Variants in VAC14 observed in about 807,000 individuals in gnomAD.
VAC14 encodes the protein protein VAC14 homolog.
VAC14 carries 47 observed loss-of-function variants against 85.3 expected under a neutral mutation model. The ratio of observed to expected loss-of-function variants is 0.55; its 90% CI spans 0.44 to 0.70. The LOEUF (loss-of-function observed/expected upper bound fraction) is 0.70. Ranked by LOEUF, VAC14 falls within the 30% of genes least tolerant of loss-of-function variation. VAC14 has a pLI of 0.00. For synonymous variants in VAC14, 447 were observed against 430.5 expected, an observed-to-expected ratio of 1.04 and a Z score of -0.47; for missense variants, 861 against 1,004.3, an observed-to-expected ratio of 0.86 and a Z score of 1.93.
At chr16:70,772,044 C>G in intron 10 of VAC14, 65 bp downstream of exon 10, 1 of 1,495,888 alleles carries the variant, frequency 6.7e-7, no homozygotes, top group Non-Finnish European at 9.3e-7. Flanking sequence ...TGTAGTCTCC[C>G]GCATCCAGGA....
intron 18 of VAC14, among the ~76,000 whole-genome samples, chr16:70,692,436 G>A (rs1384251343): frequency 6.6e-6 from 1 of 152,074 alleles, no homozygotes; most frequent in Non-Finnish European, 1.5e-5. Context: ...CAGCCACTGG[G>A]GCCCCCATCT....
chr16:70,712,635 C>G (rs767361719), intron 14 of VAC14, among the ~76,000 whole-genome samples: 8 of 152,100 alleles, frequency 5.3e-5, no homozygotes, highest in Non-Finnish European at 8.8e-5. Context: ...AGCACCAGAC[C>G]GAGCCTCATG....
chr16:70,781,311 C>G (rs979531285), intron 8 of VAC14, among the ~76,000 whole-genome samples: 2 of 152,160 alleles, frequency 1.3e-5, no homozygotes, highest in South Asian at 4.1e-4. Context: ...GAACCGGGAG[C>G]TGAAGCAACC....
intron 13 of VAC14, among the ~76,000 whole-genome samples, chr16:70,741,802 C>T (rs1387035220): frequency 6.6e-6 from 1 of 152,258 alleles, no homozygotes; most frequent in Non-Finnish European, 1.5e-5. Flanking sequence ...AGAGTCTCTA[C>T]TGCCATAGCC....
intron 13 of VAC14, among the ~76,000 whole-genome samples, chr16:70,743,270 A>C (rs1231241590): frequency 6.6e-6 from 1 of 152,228 alleles, no homozygotes; most frequent in African/African-American, 2.4e-5. Context: ...TAAACGTACC[A>C]ATCAGTACTC....
chr16:70,791,407 CAG>C (rs1416226568), intron 1 of VAC14, among the ~76,000 whole-genome samples: 3 of 152,116 alleles, frequency 2.0e-5, no homozygotes, highest in Non-Finnish European at 2.9e-5. Flanking sequence ...CCCTTTGAGA[CAG>C]AGTCTCGCTC....
At chr16:70,726,650 G>A (rs2054436776) in intron 14 of VAC14, among the ~76,000 whole-genome samples, 1 of 152,212 alleles carries the variant, frequency 6.6e-6, no homozygotes, top group Non-Finnish European at 1.5e-5. Flanking sequence ...GCCTCGGGAG[G>A]CTCATCTGCC....
intron 1 of VAC14, among the ~76,000 whole-genome samples, chr16:70,790,910 G>A (rs1217828299): frequency 1.3e-5 from 2 of 152,224 alleles, no homozygotes; most frequent in African/African-American, 4.8e-5. Flanking sequence ...AACAATGGCT[G>A]GAGGGAAAAC....
intron 14 of VAC14, chr16:70,716,810 G>C (rs545507330): frequency 6.6e-6 from 1 of 152,286 alleles, no homozygotes; most frequent in African/African-American, 2.4e-5. Context: ...GCGGAAGGAG[G>C]CCACAAAGGA....
chr16:70,729,683 G>A (rs932788808), intron 14 of VAC14, among the ~76,000 whole-genome samples: 3 of 151,892 alleles, frequency 2.0e-5, no homozygotes, highest in Non-Finnish European at 4.4e-5. Flanking sequence ...AACCATTACA[G>A]TCTGGAACAC....
At chr16:70,753,399 T>C (rs961442844) in intron 12 of VAC14, among the ~76,000 whole-genome samples, 8 of 152,198 alleles carry the variant, frequency 5.3e-5, no homozygotes, top group Non-Finnish European at 1.0e-4. Context: ...ATCCAGCTGA[T>C]TCAGCCTTGG....
chr16:70,753,523 T>A (rs1281418757), intron 12 of VAC14, among the ~76,000 whole-genome samples: 2 of 152,172 alleles, frequency 1.3e-5, no homozygotes, highest in Admixed American at 1.3e-4. Context: ...CTGCCTCGCC[T>A]AGGGCTGCAT....
intron 14 of VAC14, among the ~76,000 whole-genome samples, chr16:70,701,914 G>A (rs1001590486): frequency 6.6e-6 from 1 of 152,132 alleles, no homozygotes; most frequent in African/African-American, 2.4e-5. Context: ...CAGATGGCTT[G>A]GCCAGGAATG....
intron 14 of VAC14, among the ~76,000 whole-genome samples, chr16:70,701,237 C>T (rs1355850933): frequency 1.1e-4 from 16 of 152,168 alleles, no homozygotes; most frequent in Non-Finnish European, 4.4e-5. Context: ...GACTCCCACA[C>T]ATGCCCTCCG....
chr16:70,797,587 C>T (rs1168084439), intron 1 of VAC14, among the ~76,000 whole-genome samples: 1 of 152,188 alleles, frequency 6.6e-6, no homozygotes, highest in Non-Finnish European at 1.5e-5. Flanking sequence ...GTAACAATTA[C>T]AATGTGCCCA....
chr16:70,768,664 C>A (rs772700941), intron 10 of VAC14: 15 of 342,262 alleles, frequency 4.4e-5, no homozygotes, highest in Non-Finnish European at 7.6e-5. Context: ...AGCTTCTGCT[C>A]TCAGGTTTAG....
chr16:70,698,856 A>G (rs1037127852), intron 14 of VAC14, 45 bp from the exon 15 acceptor site: 5 of 1,603,582 alleles, frequency 3.1e-6, no homozygotes, highest in South Asian at 2.2e-5. Context: ...CCGACCTGGA[A>G]GGCTCTGTGT....
intron 4 of VAC14, 47 bp from the exon 5 acceptor site, chr16:70,784,267 T>G: frequency 1.3e-6 from 2 of 1,529,844 alleles, no homozygotes; most frequent in Non-Finnish European, 1.8e-6. Context: ...AGACCAGGGC[T>G]GCCTGACCTC....
intron 7 of VAC14, 134 bp from the exon 8 acceptor site, chr16:70,782,137 G>C (rs1390540150): frequency 8.1e-7 from 1 of 1,240,782 alleles, no homozygotes; most frequent in East Asian, 2.5e-5. Flanking sequence ...CCTCACCAAT[G>C]CTCTACTACC....
Sources: allele counts gnomAD v4.1 joint callset (sites outside exome capture counted in the v4.1 genomes callset), GRCh38; gene constraint gnomAD v4.1.1; transcripts MANE v1.5; gene names NCBI Gene and HGNC (gene_info 2026-07-23, HGNC 2026-07-21).